The following TENT4B variants were observed in gnomAD, a reference collection of about 807,000 sequenced individuals.
TENT4B encodes the protein PAP associated domain containing 5.
TENT4B carries 10 observed loss-of-function variants against 75.0 expected under a neutral mutation model. The observed-to-expected ratio is 0.13, with a 90% confidence interval of 0.08 to 0.23. TENT4B has a LOEUF of 0.23. Ranked by LOEUF, TENT4B falls within the 10% of genes least tolerant of loss-of-function variation. The pLI is 1.00. For missense variants in TENT4B, 579 were observed against 893.8 expected (o/e 0.65, Z 4.49); for synonymous variants, 350 against 357.7 (o/e 0.98, Z 0.24).
chr16:50,204,503 T>C (rs1005022086), intron 1 of TENT4B, among the ~76,000 whole-genome samples: 1 of 152,022 alleles, frequency 6.6e-6, no homozygotes, highest in Admixed American at 6.6e-5. Flanking sequence ...GGTGACATCT[T>C]TGTAGGGATG....
At chr16:50,213,360 A>G (rs1313078410) in intron 2 of TENT4B, among the ~76,000 whole-genome samples, 2 of 152,072 alleles carry the variant, frequency 1.3e-5, no homozygotes, top group African/African-American at 4.8e-5. Flanking sequence ...TGCCCGGCCT[A>G]TCCTTTTTTT....
intron 10 of TENT4B, among the ~76,000 whole-genome samples, chr16:50,227,468 T>C (rs565997673): frequency 1.3e-5 from 2 of 152,208 alleles, no homozygotes; most frequent in Non-Finnish European, 2.9e-5. Context: ...CTCTCAGAGA[T>C]TGAACCCCTT....
chr16:50,162,496 G>T (rs1481334102), intron 1 of TENT4B, among the ~76,000 whole-genome samples: 9 of 151,874 alleles, frequency 5.9e-5, no homozygotes. Context: ...TTTTATTTGA[G>T]CGGTTCTAAT....
intron 1 of TENT4B, among the ~76,000 whole-genome samples, chr16:50,205,157 C>T (rs769111018): frequency 3.3e-5 from 5 of 152,188 alleles, no homozygotes; most frequent in African/African-American, 9.7e-5. Flanking sequence ...AGTCCCTCTT[C>T]GGATGTGATC....
intron 1 of TENT4B, among the ~76,000 whole-genome samples, chr16:50,201,534 C>T (rs1478807519): frequency 6.1e-5 from 9 of 147,778 alleles, no homozygotes; most frequent in Non-Finnish European, 1.5e-5. Context: ...AAGACTCTGT[C>T]TCAAGAAAAA....
chr16:50,215,805 GT>G (rs1049262077), intron 3 of TENT4B, among the ~76,000 whole-genome samples: 1 of 150,750 alleles, frequency 6.6e-6, no homozygotes, highest in Non-Finnish European at 1.5e-5. Flanking sequence ...AGTGCTTTTT[GT>G]TTTTTTTTCT....
In TENT4B at chr16:50,235,048, G is replaced by T. The variant is rs1042687635; in HGVS notation, c.*5720G>T. Reference sequence around the variant, plus strand: ...GACACTAAGGAATTTACCAGAAAAAGATATTTGATACAAGTGATTTAAGAA... The same window carrying T: ...GACACTAAGGAATTTACCAGAAAAATATATTTGATACAAGTGATTTAAGAA... On this transcript the variant is annotated 3_prime_UTR_variant, in exon 12 of 12. Transcript: ENST00000561678. 1.0e-6 allele frequency: 1 copy of T among 985,268 alleles called. No individual in the cohort carries two copies. The highest frequency in any genetic ancestry group is 1.7e-5 in the African/African-American group (1 of 57,206). The allele number at this position is 985,268 out of a possible 1,614,324, so 61.0% of individuals were successfully genotyped here. A position where few individuals can be genotyped will look rare whatever the true frequency, so the allele number is the denominator to read the frequency against.
At chr16:50,167,198 A>G (rs1460253194) in intron 1 of TENT4B, among the ~76,000 whole-genome samples, 1 of 152,222 alleles carries the variant, frequency 6.6e-6, no homozygotes, top group Non-Finnish European at 1.5e-5. Context: ...CACTAACAGT[A>G]ATGACAGCTG....
intron 5 of TENT4B, among the ~76,000 whole-genome samples, chr16:50,219,093 G>GGTGTGT (rs145308558): frequency 2.4e-3 from 357 of 151,212 alleles, no homozygotes; most frequent in African/African-American, 8.1e-3. Context: ...CTATATTGGG[G>GGTGTGT]GTGTGTGTGT....
chr16:50,192,252 A>G (rs2038655352), intron 1 of TENT4B, among the ~76,000 whole-genome samples: 1 of 149,382 alleles, frequency 6.7e-6, no homozygotes. Flanking sequence ...AAAAAAAATC[A>G]TTAATAAATG....
At chr16:50,224,601 T>C (rs2031966156) in intron 7 of TENT4B, 56 bp from the exon 8 acceptor site, 4 of 1,603,858 alleles carry the variant, frequency 2.5e-6, no homozygotes, top group Non-Finnish European at 8.5e-7. Flanking sequence ...GTCATCAACA[T>C]TTAGTGCATA....
At chr16:50,153,094 C>T (rs2037791866), upstream of TENT4B, 5 of 1,323,406 alleles carry the variant, frequency 3.8e-6, no homozygotes, top group South Asian at 1.6e-5. Flanking sequence ...GCGGCCCCGT[C>T]GCGCCGCGGC....
chr16:50,205,507 G>A (rs2030901447), intron 1 of TENT4B, among the ~76,000 whole-genome samples: 1 of 143,910 alleles, frequency 6.9e-6, no homozygotes, highest in African/African-American at 2.6e-5. Flanking sequence ...AACTTGCAAT[G>A]CAAATAGGAA....
At chr16:50,228,390 G>T (rs1375016567) in intron 11 of TENT4B, among the ~76,000 whole-genome samples, 2 of 152,186 alleles carry the variant, frequency 1.3e-5, no homozygotes, top group Non-Finnish European at 2.9e-5. Flanking sequence ...CCTTGTTGCT[G>T]GTGTTGAAAT....
intron 1 of TENT4B, among the ~76,000 whole-genome samples, chr16:50,194,336 C>T (rs2030066058): frequency 6.6e-6 from 1 of 151,768 alleles, no homozygotes; most frequent in African/African-American, 2.4e-5. Context: ...CCATCTCAGC[C>T]TCCTGAGTTG....
intron 1 of TENT4B, among the ~76,000 whole-genome samples, chr16:50,190,692 CATT>C (rs1237298012): frequency 6.6e-6 from 1 of 152,018 alleles, no homozygotes. Flanking sequence ...CATTTTAAAA[CATT>C]ATAGTAGAAT....
upstream of TENT4B, chr16:50,153,069 T>C (rs1353301683): frequency 3.2e-5 from 46 of 1,446,414 alleles, no homozygotes; most frequent in Non-Finnish European, 3.7e-5. Context: ...GCAAGTACGG[T>C]TGGGCCAGGC....
intron 10 of TENT4B, among the ~76,000 whole-genome samples, chr16:50,226,022 C>T (rs1031944236): frequency 1.3e-5 from 2 of 150,754 alleles, no homozygotes; most frequent in Non-Finnish European, 1.5e-5. Context: ...TTTTTTGAGA[C>T]GGAGTCTTGC....
At chr16:50,183,414 G>A (rs1404630661) in intron 1 of TENT4B, among the ~76,000 whole-genome samples, 2 of 151,770 alleles carry the variant, frequency 1.3e-5, no homozygotes, top group Non-Finnish European at 2.9e-5. Flanking sequence ...GAGTGTGTGT[G>A]TGTGTTTTGA....
Sources: gnomAD v4.1 joint callset for allele counts (sites outside exome capture counted in the v4.1 genomes callset) on GRCh38, gnomAD v4.1.1 for gene constraint, MANE v1.5 for transcripts, NCBI Gene and HGNC (gene_info 2026-07-23, HGNC 2026-07-21) for gene names.